The following CCNB2 variants were observed in gnomAD, a reference collection of about 807,000 sequenced individuals.
CCNB2 encodes G2/mitotic-specific cyclin-B2.
Under a neutral mutation model 51.1 loss-of-function variants are expected in CCNB2, and 39 were observed. The ratio of observed to expected loss-of-function variants is 0.76; its 90% CI spans 0.59 to 1.00. CCNB2 has a LOEUF of 1.00. Ranked by LOEUF, CCNB2 falls within the 50% of genes least tolerant of loss-of-function variation. The pLI, the probability that CCNB2 is intolerant of heterozygous loss-of-function variation, is 0.00. For missense variants in CCNB2, 472 were observed against 470.3 expected, an observed-to-expected ratio of 1.00 and a Z score of -0.03; for synonymous variants, 174 against 165.5, an observed-to-expected ratio of 1.05 and a Z score of -0.40.
rs772482349 is a variant in CCNB2, at chr15:59,114,594, C to A, written c.418C>A (p.Gln140Lys). Residue 140 changes from glutamine to lysine, a missense_variant, in exon 4 of 9, where the codon CAG becomes AAG. Gln to Lys is a moderately conservative substitution (Grantham distance 53, BLOSUM62 1). Transcript: ENST00000288207. ...LCSDYVKDIY[Q>K]YLRQLEVLQS... ...CAGTGACTACGTTAAGGATATCTAT[C>A]AGTATCTCAGGCAGCTGGAGGTAGG... 6.3e-7 allele frequency: 1 copy of A among 1,597,330 alleles called. No individual in the cohort carries two copies. Among genetic ancestry groups the A allele is most frequent in the East Asian group, 2.2e-5 (1 of 44,594 alleles).
At chr15:59,119,476 AAC>A (rs1555405194) in intron 7 of CCNB2, among the ~76,000 whole-genome samples, 1,717 of 141,288 alleles carry the variant, frequency 0.012, 32 homozygotes, top group African/African-American at 0.046. Context: ...AAAAAAAAAA[AAC>A]AAATCTGTAA....
intron 8 of CCNB2, 73 bp downstream of exon 8, chr15:59,123,700 G>GC (rs1566958532): frequency 2.8e-6 from 2 of 726,734 alleles, no homozygotes; most frequent in African/African-American, 3.8e-5. Context: ...GGGCGGGGGG[G>GC]GGCGGTGTGT....
intron 8 of CCNB2, chr15:59,124,366 A>G (rs2079316270): frequency 4.5e-6 from 1 of 222,174 alleles, no homozygotes; most frequent in African/African-American, 2.4e-5. Flanking sequence ...TTTGTTAAGC[A>G]CTAGTTGCCA....
At position 59,124,981 on chromosome 15, in the gene CCNB2, C is replaced by T. The variant is rs1596333942; in HGVS notation, c.*104C>T. 2 of 584,998 alleles carry T rather than the reference C, an allele frequency of 3.4e-6. No homozygotes were observed. The highest frequency in any genetic ancestry group is 6.6e-5 in the East Asian group (2 of 30,502). The allele number at this position is 584,998 out of a possible 1,614,324, so 36.2% of individuals were successfully genotyped here. ...TCCTCTGGTCTATCTCATGAAACCTCTTCTCAGACCAGTTTTCTAAACATA... is the reference window on the plus strand; with the variant it reads ...TCCTCTGGTCTATCTCATGAAACCTTTTCTCAGACCAGTTTTCTAAACATA... On this transcript the variant is annotated 3_prime_UTR_variant, in exon 9 of 9. Transcript: ENST00000288207.
chr15:59,114,170 G>A (rs1040352045), intron 3 of CCNB2, among the ~76,000 whole-genome samples: 6 of 152,204 alleles, frequency 3.9e-5, no homozygotes, highest in African/African-American at 7.2e-5. Context: ...ATGGGTCAGC[G>A]AGGGAACTGG....
At chr15:59,124,466 C>G (rs879545) in intron 8 of CCNB2, 20 of 389,946 alleles carry the variant, frequency 5.1e-5, no homozygotes, top group South Asian at 1.3e-4. Context: ...ACTTAGGTGT[C>G]GTAAACACAG....
intron 1 of CCNB2, 42 bp from the exon 2 acceptor site, chr15:59,107,280 A>G: frequency 6.5e-7 from 1 of 1,548,964 alleles, no homozygotes; most frequent in Non-Finnish European, 8.7e-7. Context: ...AAAGTATTTC[A>G]AATTCTTTCA....
chr15:59,119,460 C>CAAAAAAAAA (rs370628686), intron 7 of CCNB2, among the ~76,000 whole-genome samples: 4 of 83,930 alleles, frequency 4.8e-5, no homozygotes, highest in Non-Finnish European at 7.2e-5. Context: ...ACCCTGTCTC[C>CAAAAAAAAA]AAAAAAAAAA....
At chr15:59,124,047 T>C in intron 8 of CCNB2, 1 of 164,410 alleles carries the variant, frequency 6.1e-6, no homozygotes, top group Non-Finnish European at 1.3e-5. Context: ...CTCAGAGCCT[T>C]TGTCCAGGGT....
intron 8 of CCNB2, 86 bp downstream of exon 8, chr15:59,123,713 C>T (rs2079313443): frequency 1.1e-5 from 8 of 697,116 alleles, no homozygotes; most frequent in South Asian, 9.6e-5. Context: ...CGGTGTGTGC[C>T]GTCATGTAAA....
intron 3 of CCNB2, among the ~76,000 whole-genome samples, chr15:59,109,124 A>C (rs28383506): frequency 0.02 from 3,008 of 152,068 alleles, 94 homozygotes; most frequent in African/African-American, 0.067. Context: ...GATCTCTGCT[A>C]ACTGCAACCT....
Position 59,116,927 on chromosome 15 carries a change from G to A in CCNB2, c.834+1G>A, listed in dbSNP as rs778825453. ...AAGGCGAGCATCAAAAGCCGGGGAG[G>A]TAAGTGCCTCCAGCTCTGTAAGAGA... On this transcript the variant is annotated splice_donor_variant, in intron 6 of 8. Transcript: ENST00000288207. LOFTEE classifies it high-confidence loss of function. The A allele has an allele frequency of 1.9e-6, 3 of 1,609,776 alleles. No individual in the cohort carries two copies. The highest frequency in any genetic ancestry group is 2.6e-6 in the Non-Finnish European group (3 of 1,176,224).
chr15:59,123,066 G>A (rs1449751713), intron 7 of CCNB2, among the ~76,000 whole-genome samples: 3 of 152,072 alleles, frequency 2.0e-5, no homozygotes, highest in East Asian at 1.9e-4. Flanking sequence ...TCTTATTTCC[G>A]AACATCTTTC....
chr15:59,122,843 A>C (rs879792067), intron 7 of CCNB2, among the ~76,000 whole-genome samples: 1 of 152,164 alleles, frequency 6.6e-6, no homozygotes, highest in Non-Finnish European at 1.5e-5. Flanking sequence ...GCCAATTTAT[A>C]TATCTTCTTA....
chr15:59,107,285 C>G (rs563802128), intron 1 of CCNB2, 37 bp from the exon 2 acceptor site: 1 of 1,545,572 alleles, frequency 6.5e-7, no homozygotes, highest in South Asian at 1.2e-5. Flanking sequence ...ATTTCAAATT[C>G]TTTCAAGGTT....
chr15:59,116,871 A>C lies in CCNB2; in HGVS notation c.779A>C (p.Glu260Ala), dbSNP rs1445972349. 6.2e-7 allele frequency: 1 copy of C among 1,614,098 alleles called. No individual in the cohort carries two copies. Among genetic ancestry groups the C allele is most frequent in the Non-Finnish European group, 8.5e-7 (1 of 1,180,054 alleles). ...ETLILKELKF[E>A]LGRPLPLHFL... is the part of the protein sequence containing the mutation. ...CTAATTTTGAAAGAATTGAAATTTG[A>C]GTTGGGTCGACCCTTGCCACTACAC... The change falls in exon 6 of 9, where the codon GAG (glutamate) becomes GCG (alanine). Residue 260 changes from glutamate to alanine, a missense_variant. Glu to Ala is a moderately radical substitution (Grantham distance 107, BLOSUM62 -1). Coordinates refer to ENST00000288207, the MANE Select transcript of CCNB2 (RefSeq NM_004701.4).
intron 8 of CCNB2, chr15:59,124,551 A>G: frequency 3.7e-6 from 2 of 547,136 alleles, no homozygotes; most frequent in South Asian, 4.2e-5. Flanking sequence ...TGTTCCTATC[A>G]CCTGTGCTAC....
intron 5 of CCNB2, among the ~76,000 whole-genome samples, chr15:59,115,088 G>C (rs1478469523): frequency 6.6e-6 from 1 of 152,224 alleles, no homozygotes; most frequent in African/African-American, 2.4e-5. Flanking sequence ...TGTAAGGCCA[G>C]CCAGCTAAAA....
Position 59,124,866 on chromosome 15 carries a change from G to A in CCNB2, c.1186G>A (p.Gly396Arg), listed in dbSNP as rs765376803. The A allele has an allele frequency of 5.4e-5, 86 of 1,592,462 alleles. No individual in the cohort carries two copies. Among genetic ancestry groups the A allele is most frequent in the Admixed American group, 8.7e-5 (5 of 57,368 alleles). Residue 396 changes from glycine to arginine, a missense_variant, in exon 9 of 9, where the codon GGA (glycine) becomes AGA (arginine). Coordinates refer to ENST00000288207, the MANE Select transcript of CCNB2 (RefSeq NM_004701.4). ...AVKDLASPLI[G>R]RS ...CAAAGACCTTGCCTCCCCACTGATA[G>A]GAAGGTCCTAGGCTGCCGTGGCCCC... is the stretch of plus-strand genomic sequence containing the variant.
Sources: gnomAD v4.1 joint callset for allele counts (sites outside exome capture counted in the v4.1 genomes callset) on GRCh38, gnomAD v4.1.1 for gene constraint, MANE v1.5 for transcripts, NCBI Gene and HGNC (gene_info 2026-07-23, HGNC 2026-07-21) for gene names.